BST1: variants seen among roughly 807,000 people sequenced by gnomAD.
The protein encoded by BST1 is ADP-ribosyl cyclase/cyclic ADP-ribose hydrolase 2.
Under a neutral mutation model 40.6 loss-of-function variants are expected in BST1, and 49 were observed. The observed-to-expected ratio is 1.21, with a 90% CI of 0.96 to 1.53. The LOEUF is 1.53. BST1 is among the 40% of genes most tolerant of loss of function. The probability of loss-of-function intolerance (pLI) is 0.00; values close to 1 mark genes in which losing one functional copy is unlikely to be tolerated. For synonymous variants in BST1, 157 were observed against 159.3 expected (o/e 0.99, Z 0.11); for missense variants, 423 against 395.9 (o/e 1.07, Z -0.58).
downstream of BST1, among the ~76,000 whole-genome samples, chr4:15,733,769 T>C (rs905799528): frequency 6.6e-5 from 10 of 152,112 alleles, no homozygotes; most frequent in African/African-American, 2.4e-4. Context: ...TGCTAAACCA[T>C]CCGAAACCAC....
downstream of BST1, chr4:15,736,112 G>C: frequency 7.8e-7 from 1 of 1,288,760 alleles, no homozygotes; most frequent in South Asian, 1.2e-5. Flanking sequence ...TACAACCGCC[G>C]GTTCTAGCCT....
intron 4 of BST1, among the ~76,000 whole-genome samples, chr4:15,713,498 T>G (rs1720335236): frequency 6.6e-6 from 1 of 152,112 alleles, no homozygotes; most frequent in Admixed American, 6.5e-5. Context: ...AGTTTCATCT[T>G]TATGACAATT....
At chr4:15,725,084 T>C (rs1721027613) in intron 8 of BST1, among the ~76,000 whole-genome samples, 1 of 152,062 alleles carries the variant, frequency 6.6e-6, no homozygotes, top group Non-Finnish European at 1.5e-5. Flanking sequence ...GAAATAAACA[T>C]CTGTCTTCTC....
chr4:15,749,156 G>A, the BST1 span, among the ~76,000 whole-genome samples: 1 of 152,198 alleles, frequency 6.6e-6, no homozygotes, highest in Non-Finnish European at 1.5e-5. Flanking sequence ...GGCACTCCCA[G>A]GAAGGATATT....
chr4:15,709,623 C>A (rs1720075407), intron 3 of BST1, among the ~76,000 whole-genome samples: 1 of 152,206 alleles, frequency 6.6e-6, no homozygotes, highest in African/African-American at 2.4e-5. Context: ...TTCTTCTTCA[C>A]CTCGCTGCCC....
At position 15,704,625 on chromosome 4, in the gene BST1, T is replaced by A. The variant is rs377193108; in HGVS notation, c.189-890T>A. ...GAGTGTGAAGGAGGGTGGAGAGGTA[T>A]CCCTCTAGAAGTGAGGGTGGGGTAG... is the stretch of plus-strand genomic sequence containing the variant. On this transcript the variant is annotated intron_variant, in intron 1 of 8. Transcript: ENST00000265016. Among the ~76,000 whole-genome samples, 22 of 151,726 alleles carry A rather than the reference T, an allele frequency of 1.4e-4. No individual in the cohort carries two copies. The East Asian group carries it at 3.7e-3, about 25-fold the overall frequency.
chr4:15,769,016 TGAGG>T, the BST1 span, among the ~76,000 whole-genome samples: 1 of 152,054 alleles, frequency 6.6e-6, no homozygotes, highest in Non-Finnish European at 1.5e-5. Context: ...GGCAGTGTTG[TGAGG>T]GTACAGTTCA....
chr4:15,707,413 T>C, intron 2 of BST1, 98 bp from the exon 3 acceptor site: 1 of 1,424,766 alleles, frequency 7.0e-7, no homozygotes, highest in African/African-American at 1.4e-5. Context: ...CAGAGTTGAA[T>C]GAGAACTGGA....
chr4:15,746,565 A>AT, the BST1 span, among the ~76,000 whole-genome samples: 1 of 152,058 alleles, frequency 6.6e-6, no homozygotes, highest in Non-Finnish European at 1.5e-5. Context: ...GCAATAACCA[A>AT]CCCACTCCTG....
downstream of BST1, chr4:15,743,285 A>G (rs1004633723): frequency 1.4e-5 from 4 of 291,840 alleles, no homozygotes; most frequent in African/African-American, 9.2e-5. Flanking sequence ...TGAAGCTTAC[A>G]GACATACCGA....
At chr4:15,759,709 G>A in the BST1 span, among the ~76,000 whole-genome samples, 1 of 129,558 alleles carries the variant, frequency 7.7e-6, no homozygotes, top group African/African-American at 3.1e-5. Flanking sequence ...AACAGGGGGT[G>A]TCATGGGGTA....
the BST1 span, among the ~76,000 whole-genome samples, chr4:15,772,669 G>T: frequency 6.6e-6 from 1 of 152,238 alleles, no homozygotes; most frequent in Non-Finnish European, 1.5e-5. Context: ...AGCGAGAAGA[G>T]TGTACAACAA....
chr4:15,738,277 C>T (rs1201322795), exon 7 of BST1: 2 of 153,048 alleles, frequency 1.3e-5, no homozygotes, highest in Non-Finnish European at 2.9e-5. Context: ...GAACCTAAAA[C>T]TGCTCTAAAC....
the BST1 span, among the ~76,000 whole-genome samples, chr4:15,762,188 CAAAAAAAAAA>C: frequency 7.5e-4 from 46 of 61,266 alleles, 2 homozygotes; most frequent in South Asian, 2.9e-3. Context: ...GACTCCATCT[CAAAAAAAAAA>C]AAAAAAAAAA....
intron 7 of BST1, among the ~76,000 whole-genome samples, chr4:15,722,324 C>A (rs1720850817): frequency 6.6e-6 from 1 of 152,168 alleles, no homozygotes; most frequent in East Asian, 1.9e-4. Context: ...AGCACCTATT[C>A]CATTTGGTTG....
At position 15,715,797 on chromosome 4, in the gene BST1, T is replaced by C. The variant is rs768681678; in HGVS notation, c.702T>C (p.Asn234=). The C allele has an allele frequency of 2.5e-6, 4 of 1,577,116 alleles. No homozygotes were observed. The East Asian group carries it at 6.8e-5, about 27-fold the overall frequency. ...IWVMHEIGGP[N]VESCGEGSMK... ...TTATGCATGAAATTGGGGGACCCAA[T>C]GTGTAAGTTATGGTGATATTGATGA... is the stretch of plus-strand genomic sequence containing the variant. Residue 234 remains asparagine, a splice_region_variant and synonymous_variant, in exon 6 of 9, where the codon AAT becomes AAC. Transcript: ENST00000265016.
intron 8 of BST1, chr4:15,723,647 T>A (rs1269757028): frequency 1.0e-6 from 1 of 975,142 alleles, no homozygotes; most frequent in East Asian, 1.1e-4. Context: ...TGAAATATAA[T>A]CCTTGATTAT....
intron 3 of BST1, among the ~76,000 whole-genome samples, chr4:15,710,615 C>G (rs1720143032): frequency 6.6e-6 from 1 of 152,184 alleles, no homozygotes; most frequent in African/African-American, 2.4e-5. Context: ...CTGGTAGCCA[C>G]TATTCTACCC....
the BST1 span, among the ~76,000 whole-genome samples, chr4:15,770,512 C>T: frequency 4.6e-5 from 7 of 152,264 alleles, no homozygotes; most frequent in African/African-American, 1.7e-4. Context: ...CATGACCAGC[C>T]TGGGCAACAT....
Sources: allele counts gnomAD v4.1 joint callset (sites outside exome capture counted in the v4.1 genomes callset), GRCh38; gene constraint gnomAD v4.1.1; transcripts MANE v1.5; gene names NCBI Gene and HGNC (gene_info 2026-07-23, HGNC 2026-07-21).